Variants in KNTC1 observed in about 807,000 individuals in gnomAD.
KNTC1 encodes the protein kinetochore-associated protein 1.
A neutral mutation model predicts 314.4 loss-of-function variants in KNTC1; 253 were observed. The ratio of observed to expected loss-of-function variants is 0.80; its 90% confidence interval spans 0.73 to 0.89. KNTC1 has a LOEUF of 0.89. KNTC1 is among the 40% of genes least tolerant of loss of function. The pLI is 0.00. For synonymous variants in KNTC1, 901 were observed against 901.4 expected (o/e 1.00, Z 0.01); for missense variants, 2,475 against 2,572.9 (o/e 0.96, Z 0.82).
chr12:122,563,912 G>T (rs767435955), intron 20 of KNTC1: 221 of 903,858 alleles, frequency 2.4e-4, no homozygotes, highest in Middle Eastern at 1.0e-3. Context: ...GGGCAGTGTG[G>T]CCTTACCTCT....
Position 122,532,887 on chromosome 12 carries a change from T to C in KNTC1, c.130-1777T>C, listed in dbSNP as rs1371612880. ...AATTCAGTGGCTGGAGAGCTCATTG[T>C]CGGTTGGGCAGTTTAAGGAGCATTT... is the stretch of plus-strand genomic sequence containing the variant. On this transcript the variant is annotated intron_variant, in intron 2 of 63. Transcript: ENST00000333479. Among the ~76,000 whole-genome samples the C allele has an allele frequency of 2.6e-5, 4 of 152,122 alleles. No individual in the cohort carries two copies. The East Asian group carries it at 7.7e-4, about 29-fold the overall frequency.
intron 52 of KNTC1, among the ~76,000 whole-genome samples, chr12:122,609,656 C>G (rs1270197474): frequency 2.0e-5 from 3 of 151,876 alleles, no homozygotes; most frequent in Non-Finnish European, 2.9e-5. Flanking sequence ...GCGAGGGTTC[C>G]TAGCACACCT....
chr12:122,605,502 C>A, intron 51 of KNTC1, 87 bp downstream of exon 51: 1 of 665,148 alleles, frequency 1.5e-6, no homozygotes, highest in South Asian at 1.9e-5. Context: ...CCACATGATA[C>A]AGCCTTCTAA....
chr12:122,574,381 G>A lies in KNTC1; in HGVS notation c.2382+1G>A, dbSNP rs1188115505. The stretch of plus-strand genomic sequence containing the variant: ...AATAGCGTGTTTATCTGACACGGAC[G>A]TAAGTAAATAGTGACCATTTGCGTT... On this transcript the variant is annotated splice_donor_variant, in intron 27 of 63. Coordinates refer to ENST00000333479, the MANE Select transcript of KNTC1 (RefSeq NM_014708.6). LOFTEE classifies it high-confidence loss of function. 2.6e-6 allele frequency: 4 copies of A among 1,558,866 alleles called. No homozygotes were observed. The highest frequency in any genetic ancestry group is 1.8e-5 in the Admixed American group (1 of 55,688).
At chr12:122,535,315 G>C (rs548600791) in intron 3 of KNTC1, among the ~76,000 whole-genome samples, 1 of 152,116 alleles carries the variant, frequency 6.6e-6, no homozygotes, top group Non-Finnish European at 1.5e-5. Flanking sequence ...CTTGCGGTCA[G>C]GAGTTCAAGA....
intron 31 of KNTC1, among the ~76,000 whole-genome samples, chr12:122,578,238 C>A (rs887399856): frequency 6.6e-6 from 1 of 151,868 alleles, no homozygotes; most frequent in African/African-American, 2.4e-5. Context: ...TCCAGAATAG[C>A]TGGATTCTTA....
At chr12:122,544,107 T>G (rs1962577541) in intron 7 of KNTC1, 52 bp from the exon 8 acceptor site, 1 of 753,262 alleles carries the variant, frequency 1.3e-6, no homozygotes, top group Non-Finnish European at 2.1e-6. Context: ...AGTGATTTTA[T>G]GGAGCATAAA....
At chr12:122,601,286 C>T (rs960895273) in intron 44 of KNTC1, among the ~76,000 whole-genome samples, 1 of 151,450 alleles carries the variant, frequency 6.6e-6, no homozygotes, top group African/African-American at 2.4e-5. Flanking sequence ...GGGGTTTCAC[C>T]GTGTTTGCCA....
In KNTC1 at chr12:122,622,458, A is replaced by G. The variant is rs573781304; in HGVS notation, c.6370-4A>G. ...TGATCTTAATGATACCTGTCATTCT[A>G]TAGATTAGAAGTCTGATTTTGAATA... is the stretch of plus-strand genomic sequence containing the variant. On this transcript the variant is annotated splice_region_variant and splice_polypyrimidine_tract_variant and intron_variant, in intron 61 of 63. Transcript: ENST00000333479. The G allele has an allele frequency of 5.1e-6, 8 of 1,563,396 alleles. No individual in the cohort carries two copies. In the African/African-American group the frequency reaches 5.4e-5, roughly 11 times the overall value.
chr12:122,610,854 A>G lies in KNTC1; in HGVS notation c.5576A>G (p.Asp1859Gly), dbSNP rs549074031. Residue 1859 changes from aspartate (D) to glycine (G), a missense_variant, in exon 53 of 64, where the codon GAT becomes GGT. By Grantham distance (94) the Asp-to-Gly change is moderately conservative (BLOSUM62 -1). Coordinates refer to ENST00000333479, the MANE Select transcript of KNTC1 (RefSeq NM_014708.6). ...VQYLLLSRPI[D>G]YSSRMLFVFA... Reference sequence around the variant, plus strand: ...TATCTCCTCCTGTCTCGTCCAATTGATTATAGTTCAAGAATGCTGTTTGTA... The same window carrying G: ...TATCTCCTCCTGTCTCGTCCAATTGGTTATAGTTCAAGAATGCTGTTTGTA... 1 of 1,613,506 alleles carries G rather than the reference A, an allele frequency of 6.2e-7. No homozygotes were observed. Among genetic ancestry groups the G allele is most frequent in the Admixed American group, 1.7e-5 (1 of 60,024 alleles).
intron 20 of KNTC1, among the ~76,000 whole-genome samples, chr12:122,564,758 T>C (rs112031861): frequency 1.3e-5 from 2 of 152,036 alleles, no homozygotes; most frequent in African/African-American, 4.8e-5. Context: ...AGGCGTGAGG[T>C]ACCACGCCCA....
In KNTC1 at chr12:122,550,494, T is replaced by C. The variant is rs529478914; in HGVS notation, c.1086+630T>C. On this transcript the variant is annotated intron_variant, in intron 13 of 63. Transcript: ENST00000333479. Reference sequence around the variant, plus strand: ...GAATCACTCATCAAATTTAGGTCTCTGTGTTTTTGTTGTTGTTGTTGTTGT... The same window carrying C: ...GAATCACTCATCAAATTTAGGTCTCCGTGTTTTTGTTGTTGTTGTTGTTGT... Among the ~76,000 whole-genome samples the C allele has an allele frequency of 5.3e-5, 8 of 150,988 alleles. No individual in the cohort carries two copies. The East Asian group carries it at 1.5e-3, about 29-fold the overall frequency.
chr12:122,600,098 TTTGTTG>T (rs897509313), intron 44 of KNTC1, among the ~76,000 whole-genome samples: 1 of 152,004 alleles, frequency 6.6e-6, no homozygotes. Flanking sequence ...TGTTTTTGTT[TTTGTTG>T]TTGTTGTTGT....
In KNTC1 at chr12:122,603,165, G is replaced by A. The variant is rs1236018749; in HGVS notation, c.5023G>A (p.Glu1675Lys). The change falls in exon 48 of 64, where the codon GAA (glutamate) becomes AAA (lysine). Residue 1675 changes from glutamate to lysine, a missense_variant. Transcript: ENST00000333479. Reference protein sequence around the residue: ...KEITKITQTIESCLLSIVNPE... With the variant: ...KEITKITQTIKSCLLSIVNPE... ...AATAACTAAGATCACGCAGACCATC[G>A]AATCCTGCTTACTCTCTATAGTCAA... is the stretch of plus-strand genomic sequence containing the variant. The A allele has an allele frequency of 5.0e-6, 8 of 1,612,854 alleles. No individual in the cohort carries two copies. Among genetic ancestry groups the A allele is most frequent in the African/African-American group, 1.3e-5 (1 of 74,764 alleles).
chr12:122,555,957 A>G (rs1963558622), intron 16 of KNTC1, among the ~76,000 whole-genome samples: 1 of 152,208 alleles, frequency 6.6e-6, no homozygotes, highest in Non-Finnish European at 1.5e-5. Context: ...GCTAATTAAC[A>G]TAACTATCAC....
intron 51 of KNTC1, among the ~76,000 whole-genome samples, chr12:122,607,435 G>C (rs750540026): frequency 1.1e-4 from 17 of 152,138 alleles, no homozygotes; most frequent in Non-Finnish European, 1.8e-4. Flanking sequence ...TTTTTGAAGA[G>C]TGAAATCCAG....
At chr12:122,570,211 CA>C (rs1373710115) in intron 22 of KNTC1, among the ~76,000 whole-genome samples, 2 of 151,588 alleles carry the variant, frequency 1.3e-5, no homozygotes, top group Non-Finnish European at 2.9e-5. Flanking sequence ...TTAATGCATA[CA>C]AAAAAATATA....
At chr12:122,623,848 C>T (rs1350592432) in intron 62 of KNTC1, among the ~76,000 whole-genome samples, 2 of 152,138 alleles carry the variant, frequency 1.3e-5, no homozygotes, top group Non-Finnish European at 2.9e-5. Context: ...GGGTGGATCA[C>T]CTGAGGTTAG....
At chr12:122,620,220 C>G (rs574607522) in intron 59 of KNTC1, 120 of 207,866 alleles carry the variant, frequency 5.8e-4, no homozygotes, top group South Asian at 2.5e-3. Flanking sequence ...AGAAGCCTAT[C>G]TTTAGGCATC....
Sources: gnomAD v4.1 joint callset for allele counts (sites outside exome capture counted in the v4.1 genomes callset) on GRCh38, gnomAD v4.1.1 for gene constraint, MANE v1.5 for transcripts, NCBI Gene and HGNC (gene_info 2026-07-23, HGNC 2026-07-21) for gene names.